The following SMC1A variants were observed in gnomAD, a reference collection of about 807,000 sequenced individuals.
SMC1A encodes the protein structural maintenance of chromosomes protein 1A.
In SMC1A, 4 loss-of-function variants were observed where a neutral mutation model predicts 94.5. That is an observed-to-expected ratio of 0.04 (90% CI 0.02 to 0.10). SMC1A has a LOEUF of 0.10. Among genes scored for constraint, SMC1A ranks in the 10% least tolerant of loss-of-function variants. SMC1A has a pLI of 1.00. For missense variants in SMC1A, 304 were observed against 989.0 expected, an observed-to-expected ratio of 0.31 and a Z score of 9.29; for synonymous variants, 345 against 347.7, an observed-to-expected ratio of 0.99 and a Z score of 0.09.
chrX:53,414,529 C>T (rs782434888), intron 3 of SMC1A, among the ~76,000 whole-genome samples: 39 of 111,452 alleles, frequency 3.5e-4, no homozygotes, highest in Non-Finnish European at 2.8e-4. Context: ...TAAGGCAATA[C>T]GGAATCACTG....
intron 19 of SMC1A, 47 bp downstream of exon 19, chrX:53,394,731 T>TGGCCCCCCCCCCCCCCCCCCCCCCC: frequency 2.4e-6 from 1 of 416,233 alleles, no homozygotes; most frequent in Non-Finnish European, 4.4e-6. Flanking sequence ...ATAGTCCCAC[T>TGGCCCCCCCCCCCCCCCCCCCCCCC]CCCACCCAAC....
In SMC1A at chrX:53,394,761, CTGTGGTTGATCCT is replaced by C; in HGVS notation, c.2973+4_2973+16del. On this transcript the variant is annotated splice_donor_5th_base_variant and intron_variant, in intron 19 of 24. Coordinates refer to ENST00000322213, the MANE Select transcript of SMC1A (RefSeq NM_006306.4). The stretch of plus-strand genomic sequence containing the variant: ...CCCAACCCCCACCCCCACCACACCC[CTGTGGTTGATCCT>C]CACCTTCAGATCCTCACACAGATCA... The C allele has an allele frequency of 1.1e-6, 1 of 903,450 alleles. No homozygotes were observed. Among genetic ancestry groups the C allele is most frequent in the Admixed American group, 2.2e-5 (1 of 44,591 alleles). The allele number at this position is 903,450 out of a possible 1,213,427, so 74.5% of individuals were successfully genotyped here.
rs782535659 is a variant in SMC1A at position 53,388,780 on chromosome X, A to G, written c.2974-5527T>C. 2.7e-4 allele frequency among the ~76,000 whole-genome samples: 29 copies of G among 109,007 alleles called. No individual in the cohort carries two copies. The South Asian group carries it at 7.1e-3, about 27-fold the overall frequency. The allele number at this position is 109,007 out of a possible 115,157, so 94.7% of individuals were successfully genotyped here. A position where few individuals can be genotyped will look rare whatever the true frequency, so the allele number is the denominator to read the frequency against. On this transcript the variant is annotated intron_variant, in intron 19 of 24. Coordinates refer to ENST00000322213, the MANE Select transcript of SMC1A (RefSeq NM_006306.4). Reference sequence around the variant, plus strand: ...TGGGAGGCCGAGGCGGGTGGATCACAAGGTCAGGATATCGAGACCATCCTG... The same window carrying G: ...TGGGAGGCCGAGGCGGGTGGATCACGAGGTCAGGATATCGAGACCATCCTG...
chrX:53,399,387 T>C (rs184612089), intron 16 of SMC1A, among the ~76,000 whole-genome samples: 1 of 112,784 alleles, frequency 8.9e-6, no homozygotes, highest in East Asian at 2.8e-4. Context: ...ACTAAATTAT[T>C]TGTATGTGTT....
intron 13 of SMC1A, 62 bp downstream of exon 13, chrX:53,404,950 G>A: frequency 8.7e-7 from 1 of 1,150,605 alleles, no homozygotes; most frequent in Admixed American, 2.5e-5. Context: ...CACCCCCAGA[G>A]AAACCTAGGC....
chrX:53,382,034 G>A (rs1602398380), intron 22 of SMC1A, 198 bp downstream of exon 22: 2 of 481,568 alleles, frequency 4.2e-6, no homozygotes, highest in African/African-American at 4.7e-5. Context: ...AGGACATGCT[G>A]AGCAGATGAG....
intron 3 of SMC1A, among the ~76,000 whole-genome samples, chrX:53,413,802 C>T (rs782670606): frequency 2.7e-5 from 3 of 111,240 alleles, no homozygotes; most frequent in South Asian, 3.7e-4. Context: ...GGTGGCCGGG[C>T]GCGGTGGCTC....
In SMC1A at chrX:53,405,562, G is replaced by A. The variant is rs2075688202; in HGVS notation, c.1842C>T (p.Gly614=). 2 of 1,210,692 alleles carry A rather than the reference G, an allele frequency of 1.7e-6. No homozygotes were observed. The highest frequency in any genetic ancestry group is 2.2e-6 in the Non-Finnish European group (2 of 895,371). ...CCACGTTGTCACAGACAAGGGCATT[G>A]CCACAAGCATACTGCAGGGCCTTTT... ...HIKKALQYAC[G]NALVCDNVED... is the part of the protein sequence containing the mutation. The change falls in exon 11 of 25, where the codon GGC becomes GGT. Residue 614 remains glycine, a synonymous_variant. Transcript: ENST00000322213.
At position 53,375,084 on chromosome X, in the gene SMC1A, C is replaced by T. The variant is rs781806401; in HGVS notation, c.*5019G>A. 1 of 112,598 alleles carries T rather than the reference C, an allele frequency of 8.9e-6. No homozygotes were observed. The highest frequency in any genetic ancestry group is 1.9e-5 in the Non-Finnish European group (1 of 53,328). 9.3% of individuals were successfully genotyped at this position (112,598 alleles called of 1,213,427 possible). A position where few individuals can be genotyped will look rare whatever the true frequency, so the allele number is the denominator to read the frequency against. On this transcript the variant is annotated 3_prime_UTR_variant, in exon 25 of 25. Transcript: ENST00000322213. The stretch of plus-strand genomic sequence containing the variant: ...CTATCTGTGGCCAGGATTGTGAGGT[C>T]ACATGGTACAGAGCATGGCAACTTA...
chrX:53,410,457 G>A (rs1556890337), intron 7 of SMC1A, among the ~76,000 whole-genome samples: 14 of 110,347 alleles, frequency 1.3e-4, no homozygotes, highest in Non-Finnish European at 2.6e-4. Context: ...GCCAGGTGTG[G>A]TGGCACCCAC....
chrX:53,409,998 A>C (rs1421783733), intron 7 of SMC1A, among the ~76,000 whole-genome samples: 1 of 112,219 alleles, frequency 8.9e-6, no homozygotes, highest in Non-Finnish European at 1.9e-5. Flanking sequence ...CAAGTGATCC[A>C]CCACGCCTGG....
rs1197410298 is a variant in SMC1A, at chrX:53,412,226, C to G, written c.882G>C (p.Lys294Asn). The change falls in exon 6 of 25, where the codon AAG becomes AAC. Residue 294 changes from lysine (K) to asparagine (N), a missense_variant. By Grantham distance (94) the Lys-to-Asn change is moderately conservative. Coordinates refer to ENST00000322213, the MANE Select transcript of SMC1A (RefSeq NM_006306.4). ...CCTTGGCTTTGATGTACTGAGGCCGCTTCTGGTTCAATTCTGAGTCCTTCT... is the reference window on the plus strand; with the variant it reads ...CCTTGGCTTTGATGTACTGAGGCCGGTTCTGGTTCAATTCTGAGTCCTTCT... ...IKEKDSELNQ[K>N]RPQYIKAKEN... 1 of 1,209,330 alleles carries G rather than the reference C, an allele frequency of 8.3e-7. No homozygotes were observed. Among genetic ancestry groups the G allele is most frequent in the Non-Finnish European group, 1.1e-6 (1 of 894,945 alleles).
chrX:53,407,121 A>G (rs950679841), intron 9 of SMC1A, among the ~76,000 whole-genome samples: 9 of 112,334 alleles, frequency 8.0e-5, no homozygotes, highest in Admixed American at 7.6e-4. Context: ...CACAACTCCT[A>G]AAACCCTTAG....
At chrX:53,381,994 G>A in intron 22 of SMC1A, 1 of 440,269 alleles carries the variant, frequency 2.3e-6, no homozygotes, top group Non-Finnish European at 4.0e-6. Context: ...AAAGCCTGGA[G>A]GCGGAACTAA....
rs1255531738 is a variant in SMC1A at position 53,405,051 on chromosome X, T to G, written c.2157A>C (p.Leu719=). The change falls in exon 13 of 25, where the codon CTA becomes CTC. Residue 719 remains leucine, a synonymous_variant. Transcript: ENST00000322213. ...QMRLKYSQSD[L]EQTKTRHLAL... ...CTAGATGTCGTGTCTTGGTCTGTTC[T>G]AGGTCACTCTGGGAGTACTTGAGCC... is the stretch of plus-strand genomic sequence containing the variant. The G allele has an allele frequency of 5.8e-6, 7 of 1,202,143 alleles. No individual in the cohort carries two copies. The highest frequency in any genetic ancestry group is 7.9e-6 in the Non-Finnish European group (7 of 891,240).
chrX:53,417,396 A>G (rs1320239090), intron 1 of SMC1A, among the ~76,000 whole-genome samples: 1 of 108,878 alleles, frequency 9.2e-6, no homozygotes, highest in Non-Finnish European at 1.9e-5. Flanking sequence ...TACTAAAAAT[A>G]CAAAATTAGC....
At chrX:53,421,866 T>C in intron 1 of SMC1A, 3 of 1,166,029 alleles carry the variant, frequency 2.6e-6, no homozygotes, top group Non-Finnish European at 3.4e-6. Flanking sequence ...GTTTCGGTGG[T>C]AGGAAAAGGG....
chrX:53,410,263 G>A (rs2075706127), intron 7 of SMC1A, among the ~76,000 whole-genome samples: 2 of 111,817 alleles, frequency 1.8e-5, no homozygotes, highest in Non-Finnish European at 3.8e-5. Context: ...GGGAGGCCAA[G>A]GCAGGCTGAT....
intron 3 of SMC1A, 93 bp downstream of exon 3, chrX:53,414,665 A>C: frequency 1.2e-5 from 7 of 596,520 alleles, no homozygotes; most frequent in Non-Finnish European, 2.1e-5. Context: ...AGTTCAAGGG[A>C]GAGATGATAA....
Sources: gnomAD v4.1 joint callset for allele counts (sites outside exome capture counted in the v4.1 genomes callset) on GRCh38, gnomAD v4.1.1 for gene constraint, MANE v1.5 for transcripts, NCBI Gene and HGNC (gene_info 2026-07-23, HGNC 2026-07-21) for gene names.